STRBP: variants seen among roughly 807,000 people sequenced by gnomAD.
The protein encoded by STRBP is spermatid perinuclear RNA-binding protein.
In STRBP, 13 loss-of-function variants were observed where a neutral mutation model predicts 80.1. That is an observed-to-expected ratio of 0.16 (90% CI 0.11 to 0.26). The LOEUF (loss-of-function observed/expected upper bound fraction) is 0.26, where lower values mean the gene tolerates loss of function less well. Among genes scored for constraint, STRBP ranks in the 10% least tolerant of loss-of-function variants. STRBP has a pLI of 1.00. For missense variants in STRBP, 485 were observed against 815.2 expected, an observed-to-expected ratio of 0.59 and a Z score of 4.93; for synonymous variants, 284 against 291.2, an observed-to-expected ratio of 0.98 and a Z score of 0.25.
rs1304022675 is a variant in STRBP, at chr9:123,146,905, C to T, written c.1288G>A (p.Glu430Lys). The T allele has an allele frequency of 6.2e-7, 1 of 1,613,944 alleles. No homozygotes were observed. The change falls in exon 13 of 19, where the codon GAA (glutamate) becomes AAA (lysine). Residue 430 changes from glutamate (E) to lysine (K), a missense_variant. Glu to Lys is a moderately conservative substitution (Grantham distance 56). This residue lies in a region of STRBP where 377 missense variants were observed against 616.1 expected (regional missense o/e 0.61). Transcript: ENST00000348403. ...MSVDVDGTTY[E>K]ASGPSKKTAK... ...GTTTTCTTGGATGGTCCTGAGGCTT[C>T]ATATGTTGTGCCATCCACATCTACA...
At chr9:123,177,991 T>C (rs1406200872) in intron 4 of STRBP, among the ~76,000 whole-genome samples, 1 of 152,010 alleles carries the variant, frequency 6.6e-6, no homozygotes, top group Non-Finnish European at 1.5e-5. Context: ...ATGAGAAAAA[T>C]TACACATTTC....
At chr9:123,257,645 C>G (rs1328212884) in intron 1 of STRBP, among the ~76,000 whole-genome samples, 1 of 152,124 alleles carries the variant, frequency 6.6e-6, no homozygotes, top group Non-Finnish European at 1.5e-5. Flanking sequence ...CAAGACTTGT[C>G]TCTACAAAAT....
In STRBP at chr9:123,217,006, G is replaced by T. The variant is rs188863651; in HGVS notation, c.-165+19824C>A. On this transcript the variant is annotated intron_variant, in intron 2 of 18. Transcript: ENST00000348403. Reference sequence around the variant, plus strand: ...CAATTTTAAGTGCCCTCAAGTAAAAGATACCTGCCTTATCTGCTTCTCAAG... The same window carrying T: ...CAATTTTAAGTGCCCTCAAGTAAAATATACCTGCCTTATCTGCTTCTCAAG... Among the ~76,000 whole-genome samples, 15 of 152,326 alleles carry T rather than the reference G, an allele frequency of 9.8e-5. No homozygotes were observed. The East Asian group carries it at 2.9e-3, about 29-fold the overall frequency.
intron 11 of STRBP, among the ~76,000 whole-genome samples, chr9:123,150,630 G>A (rs1398050264): frequency 6.6e-6 from 1 of 152,036 alleles, no homozygotes; most frequent in Admixed American, 6.6e-5. Context: ...TATGGAAGGT[G>A]AAAGAAATTC....
Position 123,147,052 on chromosome 9 carries a change from G to C in STRBP, c.1141C>G (p.Leu381Val). 1.2e-6 allele frequency: 2 copies of C among 1,612,088 alleles called. No homozygotes were observed. Among genetic ancestry groups the C allele is most frequent in the South Asian group, 1.1e-5 (1 of 90,862 alleles). Residue 381 changes from leucine to valine, a missense_variant and splice_region_variant, in exon 13 of 19, where the codon CTG (leucine) becomes GTG (valine). By Grantham distance (32) the Leu-to-Val change is conservative. This residue lies in a region of STRBP where 377 missense variants were observed against 616.1 expected (regional missense o/e 0.61). Coordinates refer to ENST00000348403, the MANE Select transcript of STRBP (RefSeq NM_018387.5). Reference protein sequence around the residue: ...KKMKRNLRKILDSKAIDLMNA... With the variant: ...KKMKRNLRKIVDSKAIDLMNA... ...ATAAGGTCTATTGCTTTACTATCCA[G>C]AACTGTTAAAGAAAGAGGAATGAGG...
intron 2 of STRBP, among the ~76,000 whole-genome samples, chr9:123,216,601 C>T (rs770763816): frequency 7.2e-5 from 11 of 152,208 alleles, no homozygotes; most frequent in South Asian, 4.1e-4. Context: ...CCAAGCTTAT[C>T]AGAGTGTACT....
At chr9:123,211,626 A>G (rs920790141) in intron 2 of STRBP, among the ~76,000 whole-genome samples, 6 of 152,216 alleles carry the variant, frequency 3.9e-5, no homozygotes, top group African/African-American at 1.4e-4. Flanking sequence ...TTCTCAGCCT[A>G]TATTAAATTT....
At chr9:123,170,698 A>C (rs936799284) in intron 5 of STRBP, among the ~76,000 whole-genome samples, 3 of 152,240 alleles carry the variant, frequency 2.0e-5, no homozygotes, top group Non-Finnish European at 4.4e-5. Context: ...TGCTTCTTTT[A>C]ACATACAAAT....
chr9:123,191,012 C>T (rs569345478), intron 2 of STRBP, among the ~76,000 whole-genome samples: 91 of 152,252 alleles, frequency 6.0e-4, no homozygotes, highest in African/African-American at 2.1e-3. Context: ...ACTTTGGCTA[C>T]CAACAGTGAA....
At chr9:123,210,299 A>G (rs2039662733) in intron 2 of STRBP, among the ~76,000 whole-genome samples, 1 of 152,146 alleles carries the variant, frequency 6.6e-6, no homozygotes, top group Non-Finnish European at 1.5e-5. Flanking sequence ...ACTTTTGGTC[A>G]TCAAAAAACA....
chr9:123,147,693 A>AC (rs1490889004), intron 12 of STRBP, 85 bp downstream of exon 12: 26 of 1,154,592 alleles, frequency 2.3e-5, no homozygotes, highest in Non-Finnish European at 2.8e-5. Flanking sequence ...AAAAAAAAAA[A>AC]AAAAAACCCT....
chr9:123,246,715 G>C (rs765138635), intron 1 of STRBP, among the ~76,000 whole-genome samples: 34 of 152,158 alleles, frequency 2.2e-4, no homozygotes, highest in Admixed American at 1.0e-3. Flanking sequence ...AAATTATGGA[G>C]CTACAAACCA....
intron 1 of STRBP, among the ~76,000 whole-genome samples, chr9:123,243,036 T>C: frequency 6.6e-6 from 1 of 151,876 alleles, no homozygotes; most frequent in East Asian, 1.9e-4. Flanking sequence ...AATAATAAAA[T>C]TGGAGAAATT....
intron 2 of STRBP, among the ~76,000 whole-genome samples, chr9:123,232,077 T>C (rs1050856246): frequency 5.9e-5 from 9 of 152,174 alleles, no homozygotes; most frequent in African/African-American, 2.2e-4. Context: ...TTTGGGAGGC[T>C]GAGGCAGGTG....
chr9:123,189,500 T>C (rs1184296019), intron 2 of STRBP, among the ~76,000 whole-genome samples: 4 of 150,594 alleles, frequency 2.7e-5, no homozygotes, highest in Admixed American at 6.6e-5. Context: ...GTATACACCA[T>C]GGAATACTAT....
At chr9:123,159,274 G>T in intron 8 of STRBP, 67 bp from the exon 9 acceptor site, 1 of 1,151,244 alleles carries the variant, frequency 8.7e-7, no homozygotes, top group Non-Finnish European at 1.3e-6. Context: ...TTAAATGTGA[G>T]CTAACATTTC....
intron 17 of STRBP, among the ~76,000 whole-genome samples, chr9:123,130,391 A>G (rs2036084851): frequency 6.6e-6 from 1 of 152,172 alleles, no homozygotes. Context: ...CCTTTCAGGG[A>G]GGTCAATGCA....
At position 123,264,781 on chromosome 9, in the gene STRBP, T is replaced by C. The variant is rs148661183; in HGVS notation, c.-302+3655A>G. ...CTAAAGTGCCTACAAATTGTCCCAATTCATAGAATTTCACTGAACAATACA... is the reference window on the plus strand; with the variant it reads ...CTAAAGTGCCTACAAATTGTCCCAACTCATAGAATTTCACTGAACAATACA... On this transcript the variant is annotated intron_variant, in intron 1 of 18. Coordinates refer to ENST00000348403, the MANE Select transcript of STRBP (RefSeq NM_018387.5). 9.2e-5 allele frequency among the ~76,000 whole-genome samples: 14 copies of C among 152,320 alleles called. No individual in the cohort carries two copies. In the East Asian group the frequency reaches 2.7e-3, roughly 29 times the overall value.
At chr9:123,233,225 A>G (rs1047399554) in intron 2 of STRBP, among the ~76,000 whole-genome samples, 4 of 151,938 alleles carry the variant, frequency 2.6e-5, no homozygotes, top group African/African-American at 9.7e-5. Flanking sequence ...GGCGCATACC[A>G]CCACATCTGG....
Sources: allele counts gnomAD v4.1 joint callset (sites outside exome capture counted in the v4.1 genomes callset), GRCh38; gene constraint gnomAD v4.1.1; regional missense constraint gnomAD v4.1.1; transcripts MANE v1.5; gene names NCBI Gene and HGNC (gene_info 2026-07-23, HGNC 2026-07-21).